Variants in H2BC18 observed in about 807,000 individuals in gnomAD.
H2BC18 encodes the protein H2B clustered histone 18.
H2BC18 carries 8 observed loss-of-function variants against 6.3 expected under a neutral mutation model. That is an observed-to-expected ratio of 1.28 (90% confidence interval 0.75 to 2.31). The LOEUF (loss-of-function observed/expected upper bound fraction) is 2.31. Ranked by LOEUF, H2BC18 falls within the 30% of genes most tolerant of loss-of-function variation. H2BC18 has a pLI of 0.00. For synonymous variants in H2BC18, 104 were observed against 78.1 expected (o/e 1.33, Z -1.75); for missense variants, 106 against 174.5 (o/e 0.61, Z 2.21).
chr1:149,811,787 C>A (rs1229394756), downstream of H2BC18: 2 of 689,426 alleles, frequency 2.9e-6, no homozygotes, highest in Admixed American at 2.9e-5. Flanking sequence ...TAGTCCTAAA[C>A]CCGAATGCAT....
chr1:149,797,259 CTCTTAT>C (rs879983444), intron 1 of H2BC18, among the ~76,000 whole-genome samples: 4 of 152,118 alleles, frequency 2.6e-5, no homozygotes, highest in African/African-American at 4.8e-5. Flanking sequence ...TTTTCTGTTT[CTCTTAT>C]TCTTTAATTC....
intron 1 of H2BC18, chr1:149,786,994 A>C (rs1553750912): frequency 6.6e-6 from 1 of 152,210 alleles, no homozygotes; most frequent in Non-Finnish European, 1.5e-5. Flanking sequence ...CCACAAAATC[A>C]AGCCTATTAA....
chr1:149,798,760 T>G (rs1325352459), intron 1 of H2BC18, among the ~76,000 whole-genome samples: 4 of 152,132 alleles, frequency 2.6e-5, no homozygotes, highest in Admixed American at 1.3e-4. Context: ...TACAGGTGCA[T>G]GTAACCATGC....
intron 1 of H2BC18, among the ~76,000 whole-genome samples, chr1:149,800,838 A>C (rs653880): frequency 1.3e-5 from 2 of 151,862 alleles, no homozygotes; most frequent in Admixed American, 6.6e-5. Flanking sequence ...GTAAACCCAG[A>C]ACTTTGGGAG....
downstream of H2BC18, among the ~76,000 whole-genome samples, chr1:149,808,881 A>C (rs1553754140): frequency 6.6e-6 from 1 of 151,908 alleles, no homozygotes; most frequent in Middle Eastern, 3.2e-3. Context: ...TATCCCACAG[A>C]GGTCATGTAC....
At position 149,785,419 on chromosome 1, in the gene H2BC18, T is replaced by G. The variant is rs1469079502; in HGVS notation, c.378-2159A>C. ...GACAGAGCTGTTTCGTTTTTTTTTT[T>G]TTTTTTTTTTTTTTTGAGACAGAGT... On this transcript the variant is annotated intron_variant, in intron 1 of 1. Transcript: ENST00000545683. Among the ~76,000 whole-genome samples the G allele has an allele frequency of 3.7e-5, 5 of 134,608 alleles. 1 individual carries two copies. The highest frequency in any genetic ancestry group is 2.4e-4 in the South Asian group (1 of 4,112). 88.3% of individuals were successfully genotyped at this position (134,608 alleles called of 152,430 possible). A position where few individuals can be genotyped will look rare whatever the true frequency, so the allele number is the denominator to read the frequency against.
At chr1:149,800,456 G>A (rs2091855057) in intron 1 of H2BC18, among the ~76,000 whole-genome samples, 1 of 145,518 alleles carries the variant, frequency 6.9e-6, no homozygotes, top group Non-Finnish European at 1.5e-5. Flanking sequence ...GTTCTTTCTG[G>A]TCACCAGCCC....
At chr1:149,785,235 C>G (rs1181361650) in intron 1 of H2BC18, among the ~76,000 whole-genome samples, 1 of 152,070 alleles carries the variant, frequency 6.6e-6, no homozygotes, top group African/African-American at 2.4e-5. Context: ...TCAATCCACA[C>G]TGGAGGCAAA....
At chr1:149,785,507 G>C (rs2091524321) in intron 1 of H2BC18, among the ~76,000 whole-genome samples, 1 of 140,452 alleles carries the variant, frequency 7.1e-6, no homozygotes. Context: ...ACCTCTGACA[G>C]AGCTGTTTCA....
chr1:149,810,984 T>C (rs1419064767), downstream of H2BC18: 3 of 152,212 alleles, frequency 2.0e-5, no homozygotes, highest in African/African-American at 7.2e-5. Context: ...GTTCTTGTCC[T>C]GGAGGAAGTA....
intron 1 of H2BC18, among the ~76,000 whole-genome samples, chr1:149,795,749 CT>C (rs1169743106): frequency 6.7e-6 from 1 of 149,488 alleles, no homozygotes; most frequent in African/African-American, 2.5e-5. Context: ...TGTTTTGTGT[CT>C]GTAAGGCCGC....
intron 1 of H2BC18, chr1:149,789,999 A>G: frequency 6.2e-7 from 1 of 1,613,282 alleles, no homozygotes; most frequent in South Asian, 1.1e-5. Context: ...GTCTTTTGTG[A>G]AAAGGACCTG....
downstream of H2BC18, chr1:149,811,062 A>G (rs1331119776): frequency 3.3e-5 from 5 of 152,232 alleles, no homozygotes; most frequent in East Asian, 1.9e-4. Context: ...AAAGAAAAAC[A>G]TGGGCTGATA....
chr1:149,801,077 C>T (rs1342930616), intron 1 of H2BC18, among the ~76,000 whole-genome samples: 1 of 152,010 alleles, frequency 6.6e-6, no homozygotes, highest in South Asian at 2.1e-4. Context: ...TAGAGTGAGA[C>T]CCGGTCTCTA....
chr1:149,788,731 T>C, intron 1 of H2BC18: 1 of 1,257,826 alleles, frequency 8.0e-7, no homozygotes, highest in Non-Finnish European at 1.1e-6. Flanking sequence ...TCCAGAGAGG[T>C]AAACTGCATT....
chr1:149,784,646 ATATATATAC>A lies in H2BC18; in HGVS notation c.378-1395_378-1387del, dbSNP rs1156739893. 7.3e-3 allele frequency among the ~76,000 whole-genome samples: 1,090 copies of A among 149,822 alleles called. 9 individuals carry two copies. The highest frequency in any genetic ancestry group is 0.013 in the Non-Finnish European group (856 of 67,556). ...CTTCCACAGAAACAAAACTGCTAATATATATATACATATTATGCATATATATGTATATAT... is the reference window on the plus strand; with the variant it reads ...CTTCCACAGAAACAAAACTGCTAATAATATTATGCATATATATGTATATAT... On this transcript the variant is annotated intron_variant, in intron 1 of 1. Transcript: ENST00000545683.
intron 1 of H2BC18, chr1:149,793,310 C>G: frequency 8.6e-7 from 1 of 1,159,078 alleles, no homozygotes; most frequent in Non-Finnish European, 1.1e-6. Flanking sequence ...CTCGGAGGAC[C>G]TCCCAGCTGG....
At chr1:149,803,206 C>T (rs1371494941) in intron 1 of H2BC18, among the ~76,000 whole-genome samples, 4 of 151,968 alleles carry the variant, frequency 2.6e-5, no homozygotes, top group African/African-American at 9.7e-5. Context: ...AATTTTCCTT[C>T]AATGCAATGA....
At chr1:149,807,821 A>AAGAGAGAGAGAGAGAGAGAG (rs587706663), downstream of H2BC18, among the ~76,000 whole-genome samples, 2 of 133,172 alleles carry the variant, frequency 1.5e-5, no homozygotes, top group African/African-American at 6.1e-5. Flanking sequence ...AGAAGAAAGA[A>AAGAGAGAGAGAGAGAGAGAG]AGAGAGAGAG....
Sources: gnomAD v4.1 joint callset for allele counts (sites outside exome capture counted in the v4.1 genomes callset) on GRCh38, gnomAD v4.1.1 for gene constraint, MANE v1.5 for transcripts, NCBI Gene and HGNC (gene_info 2026-07-23, HGNC 2026-07-21) for gene names.